The following ANO1 variants were observed in gnomAD, a reference collection of about 807,000 sequenced individuals.
ANO1 encodes the protein anoctamin 1, also known as anoctamin-1.
A neutral mutation model predicts 124.0 loss-of-function variants in ANO1; 59 were observed. The ratio of observed to expected loss-of-function variants is 0.48; its 90% confidence interval spans 0.39 to 0.59. ANO1 has a LOEUF of 0.59. ANO1 is among the 20% of genes least tolerant of loss of function. The pLI is 0.00. For synonymous variants in ANO1, 529 were observed against 532.0 expected (o/e 0.99, Z 0.08); for missense variants, 1,059 against 1,328.0 (o/e 0.80, Z 3.15).
At chr11:70,153,156 C>T (rs2047670972) in intron 14 of ANO1, 28 bp downstream of exon 14, 1 of 1,549,182 alleles carries the variant, frequency 6.5e-7, no homozygotes, top group Non-Finnish European at 8.8e-7. Flanking sequence ...GGTTAACTTT[C>T]CCAGCAATAA....
chr11:70,111,692 G>A lies in ANO1; in HGVS notation c.800-15G>A, dbSNP rs1333162080. ...CCGCCTGCCCCATAACCTTCTCTCT[G>A]CCTCTGTTTTTAAGGCATCACGAGC... On this transcript the variant is annotated splice_polypyrimidine_tract_variant and intron_variant, in intron 6 of 25. Coordinates refer to ENST00000355303, the MANE Select transcript of ANO1 (RefSeq NM_018043.7). 2.5e-6 allele frequency: 4 copies of A among 1,613,840 alleles called. No individual in the cohort carries two copies. In the Admixed American group the frequency reaches 5.0e-5, roughly 20 times the overall value.
intron 1 of ANO1, among the ~76,000 whole-genome samples, chr11:70,022,735 G>A (rs1555002743): frequency 1.3e-5 from 2 of 152,154 alleles, no homozygotes; most frequent in African/African-American, 4.8e-5. Flanking sequence ...GACCCCCAAA[G>A]ATGTCTGTGT....
intron 1 of ANO1, among the ~76,000 whole-genome samples, chr11:70,038,420 A>G (rs1555004661): frequency 6.6e-6 from 1 of 152,232 alleles, no homozygotes; most frequent in African/African-American, 2.4e-5. Context: ...TACAAAGATT[A>G]TAAACATCCC....
chr11:69,968,637 G>A, the ANO1 span, among the ~76,000 whole-genome samples: 1 of 152,218 alleles, frequency 6.6e-6, no homozygotes, highest in African/African-American at 2.4e-5. Context: ...GCCCTGCTGA[G>A]ATGCAGGGAT....
intron 1 of ANO1, among the ~76,000 whole-genome samples, chr11:70,051,409 T>C (rs1450963589): frequency 6.6e-6 from 1 of 152,236 alleles, no homozygotes; most frequent in Non-Finnish European, 1.5e-5. Context: ...AACAGTGAAA[T>C]TTCAGGGTCG....
chr11:69,970,481 C>G, the ANO1 span, among the ~76,000 whole-genome samples: 2 of 152,190 alleles, frequency 1.3e-5, no homozygotes, highest in Non-Finnish European at 2.9e-5. Flanking sequence ...TGGTCCCGAC[C>G]AGCACGCGGG....
At chr11:69,986,682 T>C (rs782151045) in intron 1 of ANO1, among the ~76,000 whole-genome samples, 3 of 152,056 alleles carry the variant, frequency 2.0e-5, no homozygotes, top group African/African-American at 7.2e-5. Flanking sequence ...CGGAGACAAA[T>C]GAGGCCTGGA....
the ANO1 span, among the ~76,000 whole-genome samples, chr11:69,968,846 G>A: frequency 3.3e-5 from 5 of 152,184 alleles, no homozygotes; most frequent in East Asian, 1.9e-4. Context: ...CACAGCCCGC[G>A]GACTTTGGAC....
chr11:70,066,006 T>C (rs1171293549), intron 1 of ANO1, among the ~76,000 whole-genome samples: 1 of 152,228 alleles, frequency 6.6e-6, no homozygotes, highest in Non-Finnish European at 1.5e-5. Flanking sequence ...CGGTTTGCCT[T>C]TCTGGCTCCT....
chr11:69,991,513 C>CCA (rs1324137429), intron 1 of ANO1, among the ~76,000 whole-genome samples: 4 of 152,182 alleles, frequency 2.6e-5, no homozygotes, highest in African/African-American at 9.7e-5. Context: ...GCCCAGGGGA[C>CCA]CACCATGCCA....
chr11:70,027,149 T>C (rs1356981247), intron 1 of ANO1, among the ~76,000 whole-genome samples: 5 of 152,144 alleles, frequency 3.3e-5, no homozygotes, highest in African/African-American at 4.8e-5. Flanking sequence ...AGACAAACCA[T>C]ATGTAGATTC....
At chr11:70,106,226 C>T (rs746865042) in intron 5 of ANO1, among the ~76,000 whole-genome samples, 1 of 152,174 alleles carries the variant, frequency 6.6e-6, no homozygotes, top group Non-Finnish European at 1.5e-5. Flanking sequence ...CTTTCCAGGC[C>T]TTTGCCAGAG....
At chr11:70,103,967 C>T (rs374001022) in intron 3 of ANO1, 32 bp from the exon 4 acceptor site, 145 of 1,602,218 alleles carry the variant, frequency 9.0e-5, no homozygotes, top group Non-Finnish European at 1.1e-4. Flanking sequence ...AGCAGGGTGA[C>T]GCAGCTCCCC....
Position 70,182,498 on chromosome 11 carries a change from A to G in ANO1, c.2404-4A>G, listed in dbSNP as rs2048966251. 40 of 1,568,882 alleles carry G rather than the reference A, an allele frequency of 2.5e-5. No homozygotes were observed. The highest frequency in any genetic ancestry group is 3.4e-5 in the Non-Finnish European group (39 of 1,156,828). ...TCCCCCTCACTGCCATGTCCCCTGCACAGGCCTTCGTGATCTCCTTCACGT... is the reference window on the plus strand; with the variant it reads ...TCCCCCTCACTGCCATGTCCCCTGCGCAGGCCTTCGTGATCTCCTTCACGT... On this transcript the variant is annotated splice_polypyrimidine_tract_variant and splice_region_variant and intron_variant, in intron 23 of 25. Coordinates refer to ENST00000355303, the MANE Select transcript of ANO1 (RefSeq NM_018043.7).
At chr11:70,032,364 GCA>G (rs1555003906) in intron 1 of ANO1, among the ~76,000 whole-genome samples, 1 of 152,142 alleles carries the variant, frequency 6.6e-6, no homozygotes, top group East Asian at 1.9e-4. Flanking sequence ...GCGGGTGCAG[GCA>G]GGTGCCCCTG....
intron 1 of ANO1, among the ~76,000 whole-genome samples, chr11:69,996,968 G>T (rs1034941186): frequency 8.5e-5 from 13 of 152,186 alleles, no homozygotes; most frequent in Admixed American, 8.5e-4. Flanking sequence ...GTGGGGTGAT[G>T]TCTGCATGCT....
chr11:70,148,215 A>G (rs958835128), intron 11 of ANO1, among the ~76,000 whole-genome samples: 4 of 150,890 alleles, frequency 2.7e-5, no homozygotes, highest in Non-Finnish European at 5.9e-5. Flanking sequence ...TTTTATTTGC[A>G]CGTCAGTGCT....
rs139256375 is a variant in ANO1, at chr11:70,009,137, C to T, written c.58+22971C>T. ...CTTAGCAGGTTTTTATTATTTCCTT[C>T]TCTTAACACCCAGCAGAATTTATGC... On this transcript the variant is annotated intron_variant, in intron 1 of 27. Coordinates refer to the ANO1 transcript ENST00000531349. Among the ~76,000 whole-genome samples, 26 of 152,316 alleles carry T rather than the reference C, an allele frequency of 1.7e-4. No individual in the cohort carries two copies. In the East Asian group the frequency reaches 4.6e-3, roughly 27 times the overall value.
chr11:70,187,774 G>A lies in ANO1; in HGVS notation c.2731G>A (p.Val911Ile). The A allele has an allele frequency of 6.2e-7, 1 of 1,609,548 alleles. No homozygotes were observed. The highest frequency in any genetic ancestry group is 8.5e-7 in the Non-Finnish European group (1 of 1,178,176). The change falls in exon 26 of 26, where the codon GTC (valine) becomes ATC (isoleucine). Residue 911 changes from valine (V) to isoleucine (I), a missense_variant. Around this residue, in one of 2 missense-constraint regions of ANO1, gnomAD observed 809 missense variants for 1,094.9 expected, o/e 0.74. Transcript: ENST00000355303. ...GTTCATGAGCGACTTTGTGGACTGG[G>A]TCATCCCGGACATCCCCAAGGACAT... Reference protein sequence around the residue: ...VMFMSDFVDWVIPDIPKDISQ... With the variant: ...VMFMSDFVDWIIPDIPKDISQ...
Sources: allele counts gnomAD v4.1 joint callset (sites outside exome capture counted in the v4.1 genomes callset), GRCh38; gene constraint gnomAD v4.1.1; regional missense constraint gnomAD v4.1.1; transcripts MANE v1.5; gene names NCBI Gene and HGNC (gene_info 2026-07-23, HGNC 2026-07-21).